GSG1L: variants seen among roughly 807,000 people sequenced by gnomAD.
GSG1L encodes the protein GSG1 like, also known as germ cell-specific gene 1-like protein.
GSG1L carries 24 observed loss-of-function variants against 42.1 expected under a neutral mutation model. The ratio of observed to expected loss-of-function variants is 0.57; its 90% CI spans 0.41 to 0.80. GSG1L has a LOEUF of 0.80. Ranked by LOEUF, GSG1L falls within the 30% of genes least tolerant of loss-of-function variation. The pLI, the probability that GSG1L is intolerant of heterozygous loss-of-function variation, is 0.00. For missense variants in GSG1L, 445 were observed against 472.2 expected, an observed-to-expected ratio of 0.94 and a Z score of 0.53; for synonymous variants, 215 against 203.5, an observed-to-expected ratio of 1.06 and a Z score of -0.48.
intron 6 of GSG1L, among the ~76,000 whole-genome samples, chr16:27,798,706 C>G (rs1018750507): frequency 1.3e-5 from 2 of 152,184 alleles, no homozygotes; most frequent in Non-Finnish European, 2.9e-5. Context: ...CTGTCCCACA[C>G]TGAGGAATTG....
intron 2 of GSG1L, among the ~76,000 whole-genome samples, chr16:27,920,538 T>C (rs1323425870): frequency 3.3e-5 from 5 of 152,230 alleles, no homozygotes; most frequent in African/African-American, 1.2e-4. Flanking sequence ...TTTTCCCCGT[T>C]TGCTATCTGA....
intron 1 of GSG1L, among the ~76,000 whole-genome samples, chr16:27,982,123 G>A (rs770286307): frequency 7.2e-5 from 11 of 152,288 alleles, no homozygotes; most frequent in African/African-American, 2.4e-4. Context: ...ATCCCAGCAC[G>A]CTGGGAGGCT....
intron 5 of GSG1L, among the ~76,000 whole-genome samples, chr16:27,815,484 T>G (rs1424410791): frequency 6.6e-6 from 1 of 152,204 alleles, no homozygotes; most frequent in Non-Finnish European, 1.5e-5. Context: ...TTACCCAGCC[T>G]CAGGTATTCT....
chr16:27,935,365 G>A (rs190939449), intron 2 of GSG1L, among the ~76,000 whole-genome samples: 11 of 152,274 alleles, frequency 7.2e-5, no homozygotes, highest in East Asian at 5.8e-4. Context: ...CTCTGCTTGC[G>A]TTTTTATTTC....
chr16:27,909,398 T>G (rs1176105946), intron 2 of GSG1L, among the ~76,000 whole-genome samples: 2 of 115,164 alleles, frequency 1.7e-5, no homozygotes, highest in East Asian at 4.1e-4. Context: ...TTTTTTTTTT[T>G]GACAGGGTTT....
chr16:27,906,164 CT>C (rs569824849), intron 2 of GSG1L, among the ~76,000 whole-genome samples: 316 of 152,102 alleles, frequency 2.1e-3, no homozygotes, highest in Non-Finnish European at 3.6e-3. Flanking sequence ...TTCCAGATAG[CT>C]CACAAAGGAA....
chr16:28,020,080 CA>C (rs1434326000), intron 1 of GSG1L, among the ~76,000 whole-genome samples: 2 of 152,222 alleles, frequency 1.3e-5, no homozygotes, highest in Middle Eastern at 6.3e-3. Context: ...ACTCTCTCAT[CA>C]ATGCCTTCGT....
At chr16:27,822,476 G>A (rs755750021) in intron 5 of GSG1L, among the ~76,000 whole-genome samples, 1 of 152,082 alleles carries the variant, frequency 6.6e-6, no homozygotes, top group Non-Finnish European at 1.5e-5. Context: ...GAGAGCAGCG[G>A]CGCCATCATA....
At chr16:27,891,122 C>A (rs978133733) in intron 2 of GSG1L, among the ~76,000 whole-genome samples, 2 of 152,102 alleles carry the variant, frequency 1.3e-5, no homozygotes, top group African/African-American at 4.8e-5. Flanking sequence ...AGCAGCCGTC[C>A]CCCCGTGCCA....
intron 2 of GSG1L, among the ~76,000 whole-genome samples, chr16:27,940,359 AC>A (rs2084774864): frequency 6.8e-6 from 1 of 146,316 alleles, no homozygotes; most frequent in Admixed American, 6.9e-5. Flanking sequence ...CTGGGTATAT[AC>A]CCAAAGGACT....
At chr16:27,796,570 G>T (rs781264910) in intron 6 of GSG1L, among the ~76,000 whole-genome samples, 1 of 152,216 alleles carries the variant, frequency 6.6e-6, no homozygotes, top group African/African-American at 2.4e-5. Context: ...TTGAAAGCAC[G>T]TGTCTGCAGA....
chr16:28,013,793 G>C (rs1310556267), intron 1 of GSG1L, among the ~76,000 whole-genome samples: 1 of 152,230 alleles, frequency 6.6e-6, no homozygotes, highest in Non-Finnish European at 1.5e-5. Context: ...TGGCATTGCA[G>C]ACACCCAGGC....
intron 2 of GSG1L, among the ~76,000 whole-genome samples, chr16:27,897,087 C>A (rs1438088028): frequency 6.6e-6 from 1 of 152,218 alleles, no homozygotes; most frequent in African/African-American, 2.4e-5. Context: ...TGGTCTCAAA[C>A]TCCTAACCTC....
At chr16:27,947,124 GT>G (rs1360546727) in intron 2 of GSG1L, among the ~76,000 whole-genome samples, 1 of 152,094 alleles carries the variant, frequency 6.6e-6, no homozygotes, top group Non-Finnish European at 1.5e-5. Context: ...AGCAAGTTTT[GT>G]TTTTGTTTTG....
intron 3 of GSG1L, among the ~76,000 whole-genome samples, chr16:27,845,552 G>C (rs1292416327): frequency 6.6e-6 from 1 of 152,160 alleles, no homozygotes; most frequent in Non-Finnish European, 1.5e-5. Flanking sequence ...CCCCCATCTA[G>C]TAAGAAGACC....
At chr16:27,940,289 G>A (rs1330190948) in intron 2 of GSG1L, among the ~76,000 whole-genome samples, 2 of 151,122 alleles carry the variant, frequency 1.3e-5, no homozygotes, top group African/African-American at 4.9e-5. Context: ...GTGGAAGTCA[G>A]TGTGGCGATT....
chr16:27,794,059 A>G (rs1021172748), intron 6 of GSG1L, among the ~76,000 whole-genome samples: 5 of 152,178 alleles, frequency 3.3e-5, no homozygotes, highest in Non-Finnish European at 5.9e-5. Context: ...CTGTCACCCA[A>G]GATGGAGCGC....
In GSG1L at chr16:28,063,335, C is replaced by G; in HGVS notation, c.90G>C (p.Thr30=). 7.1e-7 allele frequency: 1 copy of G among 1,403,818 alleles called. No individual in the cohort carries two copies. The highest frequency in any genetic ancestry group is 1.5e-5 in the African/African-American group (1 of 66,212). 87.0% of individuals were successfully genotyped at this position (1,403,818 alleles called of 1,614,324 possible). The change falls in exon 1 of 7, where the codon ACG becomes ACC. Residue 30 remains threonine (T), a synonymous_variant. Transcript: ENST00000447459. The surrounding 1 kb of genome is among the most constrained non-coding windows in gnomAD (Gnocchi z 5.8). ...LLFATTAFLT[T]HWCQGTQRVP... The stretch of plus-strand genomic sequence containing the variant: ...CCCGCTGCGTGCCCTGGCACCAGTG[C>G]GTGGTGAGGAAAGCGGTGGTGGCGA...
chr16:28,010,536 G>A (rs540526830), intron 1 of GSG1L, among the ~76,000 whole-genome samples: 70 of 152,216 alleles, frequency 4.6e-4, no homozygotes, highest in African/African-American at 1.2e-3. Context: ...CAATCTGGAG[G>A]TGCCACCGTG....
Sources: gnomAD v4.1 joint callset for allele counts (sites outside exome capture counted in the v4.1 genomes callset) on GRCh38, gnomAD v4.1.1 for gene constraint, Gnocchi (gnomAD v3.1) non-coding constraint, MANE v1.5 for transcripts, NCBI Gene and HGNC (gene_info 2026-07-23, HGNC 2026-07-21) for gene names.